Variants in FPGS observed in about 807,000 individuals in gnomAD.
FPGS encodes folylpolyglutamate synthase, also known as folylpolyglutamate synthase, mitochondrial.
A neutral mutation model predicts 66.5 loss-of-function variants in FPGS; 53 were observed. The ratio of observed to expected loss-of-function variants is 0.80; its 90% confidence interval spans 0.64 to 1.00. The LOEUF (loss-of-function observed/expected upper bound fraction) is 1.00, where lower values mean the gene tolerates loss of function less well. Ranked by LOEUF, FPGS falls within the 50% of genes least tolerant of loss-of-function variation. The pLI is 0.00. For synonymous variants in FPGS, 348 were observed against 350.9 expected (o/e 0.99, Z 0.09); for missense variants, 702 against 807.7 (o/e 0.87, Z 1.59).
In FPGS at chr9:127,813,482, C is replaced by A. The variant is rs761456090; in HGVS notation, c.1642C>A (p.Pro548Thr). The change falls in exon 15 of 15, where the codon CCT becomes ACT. Residue 548 changes from proline to threonine, a missense_variant. By Grantham distance (38) the Pro-to-Thr change is conservative. Coordinates refer to ENST00000373247, the MANE Select transcript of FPGS (RefSeq NM_004957.6). ...TCCCCCAAAGGGCCTCCTCACCCAC[C>A]CTGTGGCTCACAGTGGGGCCAGCAT... ...PSPPKGLLTH[P>T]VAHSGASILR... is the part of the protein sequence containing the mutation. 1.2e-6 allele frequency: 2 copies of A among 1,613,216 alleles called. No individual in the cohort carries two copies. The highest frequency in any genetic ancestry group is 1.7e-6 in the Non-Finnish European group (2 of 1,179,742).
Position 127,802,919 on chromosome 9 carries a change from G to C in FPGS, c.-6G>C. 1 of 1,369,438 alleles carries C rather than the reference G, an allele frequency of 7.3e-7. No individual in the cohort carries two copies. Among genetic ancestry groups the C allele is most frequent in the Non-Finnish European group, 9.4e-7 (1 of 1,067,462 alleles). 84.8% of individuals were successfully genotyped at this position (1,369,438 alleles called of 1,614,324 possible). A position where few individuals can be genotyped will look rare whatever the true frequency, so the allele number is the denominator to read the frequency against. On this transcript the variant is annotated 5_prime_UTR_variant, in exon 1 of 15. Coordinates refer to ENST00000373247, the MANE Select transcript of FPGS (RefSeq NM_004957.6). ...GGCCTAGAGCGCTGCCGGGGGCGCCGGGACTATGTCGCGGGCGCGGAGCCA... is the reference window on the plus strand; with the variant it reads ...GGCCTAGAGCGCTGCCGGGGGCGCCCGGACTATGTCGCGGGCGCGGAGCCA...
chr9:127,804,451 A>AT, intron 2 of FPGS, 38 bp downstream of exon 2: 1 of 1,613,818 alleles, frequency 6.2e-7, no homozygotes, highest in Non-Finnish European at 8.5e-7. Flanking sequence ...TCCCACCCCC[A>AT]TTTGTGATTC....
chr9:127,803,355 A>C, intron 1 of FPGS: 2 of 1,151,222 alleles, frequency 1.7e-6, no homozygotes, highest in Non-Finnish European at 2.1e-6. Context: ...GTGCTTCTGG[A>C]GTTCCAGTGA....
chr9:127,806,814 T>TG (rs1185746192), intron 4 of FPGS, 159 bp from the exon 5 acceptor site: 3 of 617,598 alleles, frequency 4.9e-6, no homozygotes, highest in African/African-American at 1.9e-5. Flanking sequence ...TGGGGAGGAC[T>TG]GGGGGGCTAC....
Position 127,809,740 on chromosome 9 carries a change from A to C in FPGS, c.1117A>C (p.Thr373Pro). The C allele has an allele frequency of 6.3e-7, 1 of 1,585,430 alleles. No individual in the cohort carries two copies. The highest frequency in any genetic ancestry group is 8.5e-7 in the Non-Finnish European group (1 of 1,174,748). ...GCAGGTGCTGCGGCGCGGGCCCCTC[A>C]CCTGGTACCTGGACGGTGCGCACAC... ...RTQVLRRGPL[T>P]WYLDGAHTAS... Residue 373 changes from threonine (T) to proline (P), a missense_variant, in exon 12 of 15, where the codon ACC (threonine) becomes CCC (proline). Physicochemically the swap from Thr to Pro is conservative, Grantham distance 38. Transcript: ENST00000373247.
Position 127,810,038 on chromosome 9 carries a change from G to A in FPGS, c.1219G>A (p.Glu407Lys), listed in dbSNP as rs971022292. 3 of 1,612,008 alleles carry A rather than the reference G, an allele frequency of 1.9e-6. No individual in the cohort carries two copies. Among genetic ancestry groups the A allele is most frequent in the African/African-American group, 1.3e-5 (1 of 74,880 alleles). Residue 407 changes from glutamate (E) to lysine (K), a missense_variant, in exon 13 of 15, where the codon GAG becomes AAG. Glu to Lys is a moderately conservative substitution (Grantham distance 56). Transcript: ENST00000373247. ...QGRERPSGGP[E>K]VRVLLFNATG... Reference sequence around the variant, plus strand: ...TCCTCACCTCTGTCGCAGTGGCCCCGAGGTTCGAGTCTTGCTCTTCAATGC... The same window carrying A: ...TCCTCACCTCTGTCGCAGTGGCCCCAAGGTTCGAGTCTTGCTCTTCAATGC...
Position 127,810,023 on chromosome 9 carries a change from T to C in FPGS, c.1212-8T>C. 6.2e-7 allele frequency: 1 copy of C among 1,609,458 alleles called. No homozygotes were observed. Among genetic ancestry groups the C allele is most frequent in the Non-Finnish European group, 8.5e-7 (1 of 1,178,336 alleles). ...GCCCTTTGACCCAGCTCCTCACCTC[T>C]GTCGCAGTGGCCCCGAGGTTCGAGT... On this transcript the variant is annotated splice_polypyrimidine_tract_variant and splice_region_variant and intron_variant, in intron 12 of 14. Transcript: ENST00000373247.
In FPGS at chr9:127,802,909, C is replaced by T. The variant is rs771638675; in HGVS notation, c.-16C>T. ...CTCCCGCCCGGGCCTAGAGCGCTGCCGGGGGCGCCGGGACTATGTCGCGGG... is the reference window on the plus strand; with the variant it reads ...CTCCCGCCCGGGCCTAGAGCGCTGCTGGGGGCGCCGGGACTATGTCGCGGG... On this transcript the variant is annotated 5_prime_UTR_variant, in exon 1 of 15. Transcript: ENST00000373247. The T allele has an allele frequency of 2.9e-5, 39 of 1,353,344 alleles. No individual in the cohort carries two copies. In the South Asian group the frequency reaches 4.2e-4, roughly 15 times the overall value. The allele number at this position is 1,353,344 out of a possible 1,614,324, so 83.8% of individuals were successfully genotyped here.
At position 127,804,389 on chromosome 9, in the gene FPGS, G is replaced by A. The variant is rs34330923; in HGVS notation, c.243G>A (p.Leu81=). 0.013 allele frequency: 21,413 copies of A among 1,614,214 alleles called. 200 individuals are homozygous for A. The highest frequency in any genetic ancestry group is 0.014 in the Non-Finnish European group (17,062 of 1,180,026). ...AGACACAGTTGGAAGCCATGGAACT[G>A]TACCTGGCACGGAGTGGGCTGCAGG... ...DPQTQLEAME[L]YLARSGLQVE... Residue 81 remains leucine, a synonymous_variant, in exon 2 of 15, where the codon CTG becomes CTA. Transcript: ENST00000373247.
Position 127,813,884 on chromosome 9 carries a change from C to T in FPGS, c.*280C>T, listed in dbSNP as rs945491784. ...CTGTCTCCCCCAACACCCCGCCTGC[C>T]TCCTGGCTCAGGCCCAGCTTATTGT... On this transcript the variant is annotated 3_prime_UTR_variant, in exon 15 of 15. Coordinates refer to ENST00000373247, the MANE Select transcript of FPGS (RefSeq NM_004957.6). 1 of 1,203,640 alleles carries T rather than the reference C, an allele frequency of 8.3e-7. No individual in the cohort carries two copies. The highest frequency in any genetic ancestry group is 1.0e-6 in the Non-Finnish European group (1 of 970,244). 74.6% of individuals were successfully genotyped at this position (1,203,640 alleles called of 1,614,324 possible).
chr9:127,808,414 G>C, intron 9 of FPGS, 103 bp downstream of exon 9: 1 of 1,487,036 alleles, frequency 6.7e-7, no homozygotes, highest in Non-Finnish European at 9.3e-7. Flanking sequence ...TCTGTGCAGT[G>C]AGGACGCTGG....
chr9:127,803,042 G>A lies in FPGS; in HGVS notation c.118G>A (p.Glu40Lys), dbSNP rs1237723768. Reference sequence around the variant, plus strand: ...CTTGAGCGCGTGGCCGGTGCCGCAGGAGCCGAGCATGGAGTACCAGGTATC... The same window carrying A: ...CTTGAGCGCGTGGCCGGTGCCGCAGAAGCCGAGCATGGAGTACCAGGTATC... ...RGLSAWPVPQ[E>K]PSMEYQDAVR... Residue 40 changes from glutamate to lysine, a missense_variant, in exon 1 of 15, where the codon GAG becomes AAG. Glu to Lys is a moderately conservative substitution (Grantham distance 56). Transcript: ENST00000373247. The A allele has an allele frequency of 2.1e-6, 3 of 1,439,104 alleles. No homozygotes were observed. The highest frequency in any genetic ancestry group is 3.0e-5 in the Admixed American group (1 of 33,576). The allele number at this position is 1,439,104 out of a possible 1,614,324, so 89.1% of individuals were successfully genotyped here. A position where few individuals can be genotyped will look rare whatever the true frequency, so the allele number is the denominator to read the frequency against.
In FPGS at chr9:127,804,495, C is replaced by T. The variant is rs367736227; in HGVS notation, c.268-4C>T. The T allele has an allele frequency of 6.8e-6, 11 of 1,613,950 alleles. No homozygotes were observed. The African/African-American group carries it at 1.2e-4, about 18-fold the overall frequency. On this transcript the variant is annotated splice_region_variant and splice_polypyrimidine_tract_variant and intron_variant, in intron 2 of 14. Coordinates refer to ENST00000373247, the MANE Select transcript of FPGS (RefSeq NM_004957.6). ...GAGGCAGGGACCTTGTCTGTCTGTC[C>T]CAGGTGGAGGACTTGGACCGGCTGA...
In FPGS at chr9:127,810,015, C is replaced by T. The variant is rs903018976; in HGVS notation, c.1212-16C>T. 8.1e-6 allele frequency: 13 copies of T among 1,607,370 alleles called. No individual in the cohort carries two copies. Among genetic ancestry groups the T allele is most frequent in the African/African-American group, 1.3e-5 (1 of 74,766 alleles). On this transcript the variant is annotated splice_polypyrimidine_tract_variant and intron_variant, in intron 12 of 14. Transcript: ENST00000373247. ...CGGGCGGCGCCCTTTGACCCAGCTC[C>T]TCACCTCTGTCGCAGTGGCCCCGAG... is the stretch of plus-strand genomic sequence containing the variant.
chr9:127,814,114 A>G, downstream of FPGS: 2 of 986,220 alleles, frequency 2.0e-6, no homozygotes, highest in African/African-American at 3.5e-5. Flanking sequence ...GCAGAGACGG[A>G]GGGAGGGGCT....
Position 127,813,224 on chromosome 9 carries a change from C to G in FPGS, c.1384C>G (p.Gln462Glu). The G allele has an allele frequency of 6.2e-7, 1 of 1,600,130 alleles. No homozygotes were observed. The highest frequency in any genetic ancestry group is 2.2e-5 in the East Asian group (1 of 44,702). Residue 462 changes from glutamine to glutamate, a missense_variant, in exon 15 of 15, where the codon CAG (glutamine) becomes GAG (glutamate). This residue lies in a region of FPGS where 351 missense variants were observed against 363.7 expected (regional missense o/e 0.97). Coordinates refer to ENST00000373247, the MANE Select transcript of FPGS (RefSeq NM_004957.6). ...ACAGAACTTCACAGTGACACTGGAC[C>G]AGGTCCTGCTCCGCTGCCTGGAACA... is the stretch of plus-strand genomic sequence containing the variant. ...DQQNFTVTLD[Q>E]VLLRCLEHQQ...
At chr9:127,809,921 AGGGCG>A in intron 12 of FPGS, 87 bp downstream of exon 12, 1 of 276,034 alleles carries the variant, frequency 3.6e-6, no homozygotes, top group Non-Finnish European at 6.7e-6. Context: ...GTCGTGGGGA[AGGGCG>A]GGGGCGGGCC....
At chr9:127,809,570 G>A in intron 11 of FPGS, 114 bp from the exon 12 acceptor site, 3 of 1,058,314 alleles carry the variant, frequency 2.8e-6, no homozygotes, top group Non-Finnish European at 3.9e-6. Context: ...CCGGGGTCCT[G>A]AGTGTTGAGG....
intron 4 of FPGS, 26 bp downstream of exon 4, chr9:127,804,726 G>A: frequency 6.2e-7 from 1 of 1,612,582 alleles, no homozygotes. Flanking sequence ...GGGATGTGGT[G>A]TCTGTGTCCC....
Sources: gnomAD v4.1 joint callset for allele counts on GRCh38, gnomAD v4.1.1 for gene constraint, gnomAD v4.1.1 regional missense constraint, MANE v1.5 for transcripts, NCBI Gene and HGNC (gene_info 2026-07-23, HGNC 2026-07-21) for gene names.